KDM4C: variants seen among roughly 807,000 people sequenced by gnomAD.
The protein encoded by KDM4C is lysine-specific demethylase 4C.
A neutral mutation model predicts 129.3 loss-of-function variants in KDM4C; 81 were observed. That is an observed-to-expected ratio of 0.63 (90% confidence interval 0.52 to 0.75). KDM4C has a LOEUF of 0.75. Among genes scored for constraint, KDM4C ranks in the 30% least tolerant of loss-of-function variants. The probability of loss-of-function intolerance (pLI) is 0.00; values close to 1 mark genes in which losing one functional copy is unlikely to be tolerated. For synonymous variants in KDM4C, 573 were observed against 456.1 expected (o/e 1.26, Z -3.26); for missense variants, 1,457 against 1,304.0 (o/e 1.12, Z -1.81).
At position 7,165,255 on chromosome 9, in the gene KDM4C, G is replaced by A. The variant is rs1280772885; in HGVS notation, c.2799G>A (p.Lys933=). 6.2e-7 allele frequency: 1 copy of A among 1,614,050 alleles called. No individual in the cohort carries two copies. The highest frequency in any genetic ancestry group is 8.5e-7 in the Non-Finnish European group (1 of 1,180,030). Residue 933 remains lysine (K), a synonymous_variant, in exon 20 of 22, where the codon AAG becomes AAA. Transcript: ENST00000381309. ...PEDIVSRDCL[K]LGPPAEGEVV... is the part of the protein sequence containing the mutation. ...TTCTGCAGAGCCGAGACTGTCTGAAGCTGGGCCCACCTGCTGAGGGAGAAG... is the reference window on the plus strand; with the variant it reads ...TTCTGCAGAGCCGAGACTGTCTGAAACTGGGCCCACCTGCTGAGGGAGAAG...
chr9:6,922,614 G>A (rs11794598), intron 8 of KDM4C, among the ~76,000 whole-genome samples: 37,475 of 152,150 alleles, frequency 0.25, 5,200 homozygotes, highest in South Asian at 0.39. Context: ...GAATGTGGTG[G>A]CCCGTGCCTG....
At chr9:6,908,582 C>T (rs906922225) in intron 8 of KDM4C, among the ~76,000 whole-genome samples, 4 of 151,776 alleles carry the variant, frequency 2.6e-5, no homozygotes, top group Non-Finnish European at 5.9e-5. Flanking sequence ...GAACACATCC[C>T]TGTGGGACCA....
chr9:6,893,318 A>T, intron 8 of KDM4C, 86 bp downstream of exon 8: 2 of 1,099,414 alleles, frequency 1.8e-6, no homozygotes, highest in East Asian at 2.7e-5. Flanking sequence ...TGCAGCATTT[A>T]TTTATTCTTC....
intron 17 of KDM4C, among the ~76,000 whole-genome samples, chr9:7,092,175 GC>G (rs777593689): frequency 2.6e-5 from 4 of 152,150 alleles, no homozygotes; most frequent in Non-Finnish European, 5.9e-5. Context: ...TGTTTGTGAT[GC>G]CTCTTTTTGT....
rs1280565840 is a variant in KDM4C at position 6,729,225 on chromosome 9, A to AAAG, written c.49+8237_49+8239dup. Reference sequence around the variant, plus strand: ...TCTCCAAAAAAAAAAAAAAAAAAAAAAAGAAGAAGAAAAGAAATAAATGGA... The same window carrying AAAG: ...TCTCCAAAAAAAAAAAAAAAAAAAAAAAGAAGAAGAAGAAAAGAAATAAATGGA... On this transcript the variant is annotated intron_variant, in intron 1 of 17. Coordinates refer to the KDM4C transcript ENST00000536108. Among the ~76,000 whole-genome samples, 4 of 120,396 alleles carry AAAG rather than the reference A, an allele frequency of 3.3e-5. 1 individual carries two copies. Among genetic ancestry groups the AAAG allele is most frequent in the African/African-American group, 1.4e-4 (4 of 27,602 alleles). 79.0% of individuals were successfully genotyped at this position (120,396 alleles called of 152,430 possible). A position where few individuals can be genotyped will look rare whatever the true frequency, so the allele number is the denominator to read the frequency against.
At chr9:7,105,743 A>C (rs948154423) in intron 18 of KDM4C, among the ~76,000 whole-genome samples, 1 of 152,208 alleles carries the variant, frequency 6.6e-6, no homozygotes, top group Non-Finnish European at 1.5e-5. Flanking sequence ...GTGGTTACTG[A>C]TGACTATATT....
chr9:6,862,842 A>ACAAAC (rs373879969), intron 5 of KDM4C, among the ~76,000 whole-genome samples: 2 of 140,278 alleles, frequency 1.4e-5, no homozygotes, highest in Non-Finnish European at 3.2e-5. Flanking sequence ...AAACAAACAA[A>ACAAAC]AAACAAAAAA....
At chr9:7,049,226 C>T in intron 17 of KDM4C, 26 bp downstream of exon 17, 1 of 1,242,878 alleles carries the variant, frequency 8.0e-7, no homozygotes, top group Non-Finnish European at 1.2e-6. Flanking sequence ...TCTTTTTTAC[C>T]TCATAAATTA....
At chr9:6,932,873 C>G (rs760107101) in intron 8 of KDM4C, among the ~76,000 whole-genome samples, 41 of 152,190 alleles carry the variant, frequency 2.7e-4, no homozygotes, top group Non-Finnish European at 5.3e-4. Flanking sequence ...GATTATATGG[C>G]CCCAAAATAT....
chr9:6,924,942 A>G, intron 8 of KDM4C: 2 of 984,938 alleles, frequency 2.0e-6, no homozygotes, highest in South Asian at 4.7e-5. Context: ...ATGTGTTCTG[A>G]CAGTGGTTAT....
intron 8 of KDM4C, among the ~76,000 whole-genome samples, chr9:6,899,901 C>A (rs191987706): frequency 3.1e-4 from 47 of 152,286 alleles, no homozygotes; most frequent in South Asian, 1.0e-3. Flanking sequence ...AACCTGAAAT[C>A]AAGGCATTAT....
intron 19 of KDM4C, among the ~76,000 whole-genome samples, chr9:7,137,992 CT>C (rs1391417037): frequency 6.6e-6 from 1 of 152,124 alleles, no homozygotes; most frequent in African/African-American, 2.4e-5. Flanking sequence ...TTATTATTTC[CT>C]TTTTGTACCT....
chr9:7,133,889 T>C (rs949975017), intron 19 of KDM4C, among the ~76,000 whole-genome samples: 9 of 152,222 alleles, frequency 5.9e-5, no homozygotes, highest in African/African-American at 2.2e-4. Context: ...GGAAACATTG[T>C]TGGATCCCTC....
chr9:7,040,878 C>G (rs543470170), intron 15 of KDM4C, among the ~76,000 whole-genome samples: 5 of 151,120 alleles, frequency 3.3e-5, no homozygotes, highest in African/African-American at 1.2e-4. Flanking sequence ...TTATATTTAT[C>G]TGTTTAGAGT....
At chr9:6,924,670 C>T (rs1239106528) in intron 8 of KDM4C, 1 of 666,770 alleles carries the variant, frequency 1.5e-6, no homozygotes. Flanking sequence ...GAATGTTACA[C>T]TTGTGTTCTG....
intron 3 of KDM4C, among the ~76,000 whole-genome samples, chr9:6,807,214 C>T (rs1338912253): frequency 6.6e-6 from 1 of 152,200 alleles, no homozygotes; most frequent in Non-Finnish European, 1.5e-5. Flanking sequence ...GGCTGGAGTG[C>T]AGTGGCGTGA....
chr9:6,980,021 C>A (rs1227028580), intron 8 of KDM4C, among the ~76,000 whole-genome samples: 2 of 152,084 alleles, frequency 1.3e-5, no homozygotes, highest in Non-Finnish European at 2.9e-5. Context: ...AGTTAATTTG[C>A]ATGGAGGTGA....
chr9:6,756,041 G>A (rs1431682781), upstream of KDM4C, among the ~76,000 whole-genome samples: 1 of 152,168 alleles, frequency 6.6e-6, no homozygotes, highest in Non-Finnish European at 1.5e-5. Context: ...AATGTTATTT[G>A]TGCATCTGCA....
chr9:6,985,523 CAA>C (rs1817535800), intron 10 of KDM4C, among the ~76,000 whole-genome samples: 1 of 152,172 alleles, frequency 6.6e-6, no homozygotes, highest in Admixed American at 6.5e-5. Context: ...TTCAAACACA[CAA>C]GAGCTGGATA....
Sources: allele counts gnomAD v4.1 joint callset (sites outside exome capture counted in the v4.1 genomes callset), GRCh38; gene constraint gnomAD v4.1.1; transcripts MANE v1.5; gene names NCBI Gene and HGNC (gene_info 2026-07-23, HGNC 2026-07-21).